Variants in R3HDM1 observed in about 807,000 individuals in gnomAD.
R3HDM1 encodes the protein R3H domain containing 1.
In R3HDM1, 46 loss-of-function variants were observed where a neutral mutation model predicts 141.1. The ratio of observed to expected loss-of-function variants is 0.33; its 90% confidence interval spans 0.26 to 0.42. R3HDM1 has a LOEUF of 0.42. Ranked by LOEUF, R3HDM1 falls within the 10% of genes least tolerant of loss-of-function variation. The pLI is 1.00. For missense variants in R3HDM1, 1,184 were observed against 1,368.3 expected, an observed-to-expected ratio of 0.87 and a Z score of 2.12; for synonymous variants, 435 against 472.9, an observed-to-expected ratio of 0.92 and a Z score of 1.04.
chr2:135,574,539 A>G (rs1368587459), intron 1 of R3HDM1, among the ~76,000 whole-genome samples: 2 of 152,240 alleles, frequency 1.3e-5, no homozygotes, highest in Non-Finnish European at 2.9e-5. Context: ...ACAGTATTGA[A>G]AAAAGAAAGC....
chr2:135,625,243 A>C (rs571265625), intron 7 of R3HDM1, among the ~76,000 whole-genome samples: 2 of 152,210 alleles, frequency 1.3e-5, no homozygotes, highest in Admixed American at 1.3e-4. Flanking sequence ...TGAGGTCAGG[A>C]GTTCGACACC....
At chr2:135,581,113 C>T (rs1271358166) in intron 1 of R3HDM1, 1 of 860,216 alleles carries the variant, frequency 1.2e-6, no homozygotes, top group Non-Finnish European at 1.4e-6. Context: ...TAGAAGGCAG[C>T]AGAACCATTT....
intron 11 of R3HDM1, among the ~76,000 whole-genome samples, chr2:135,637,290 T>C (rs1259999342): frequency 6.6e-6 from 1 of 152,030 alleles, no homozygotes; most frequent in African/African-American, 2.4e-5. Flanking sequence ...AGTGAAGAGT[T>C]CCAAGTCGAG....
intron 1 of R3HDM1, among the ~76,000 whole-genome samples, chr2:135,535,171 A>G (rs1392527647): frequency 6.6e-6 from 1 of 152,176 alleles, no homozygotes; most frequent in African/African-American, 2.4e-5. Flanking sequence ...ACATTTGCAT[A>G]TAGGGATAAT....
At chr2:135,714,231 C>T (rs759472704) in intron 23 of R3HDM1, among the ~76,000 whole-genome samples, 3 of 152,164 alleles carry the variant, frequency 2.0e-5, no homozygotes, top group South Asian at 2.1e-4. Context: ...GAGAGATAGA[C>T]GTCAGGTTCC....
At chr2:135,653,922 A>G (rs1160864443) in intron 18 of R3HDM1, among the ~76,000 whole-genome samples, 1 of 152,154 alleles carries the variant, frequency 6.6e-6, no homozygotes, top group Non-Finnish European at 1.5e-5. Flanking sequence ...TTTTTTGTTC[A>G]GGGTTCTTTT....
rs1709085588 is a variant in R3HDM1, at chr2:135,590,810, G to A, written c.-249-11690G>A. ...TGAAGGCAGATGATGGCAACTGAAA[G>A]ACAGCACCTGTTCTGCCTCAAGCTG... On this transcript the variant is annotated intron_variant, in intron 1 of 26. Coordinates refer to ENST00000683871, the MANE Select transcript of R3HDM1 (RefSeq NM_001378107.1). 12 of 805,734 alleles carry A rather than the reference G, an allele frequency of 1.5e-5. No individual in the cohort carries two copies. In the South Asian group the frequency reaches 5.7e-4, roughly 38 times the overall value. 49.9% of individuals were successfully genotyped at this position (805,734 alleles called of 1,614,324 possible).
intron 18 of R3HDM1, among the ~76,000 whole-genome samples, chr2:135,657,293 C>T (rs1408946471): frequency 2.0e-5 from 3 of 151,518 alleles, no homozygotes; most frequent in African/African-American, 7.3e-5. Context: ...CACCTGTAAT[C>T]CCAGCTACTC....
At chr2:135,717,210 A>T (rs1403639202) in intron 24 of R3HDM1, among the ~76,000 whole-genome samples, 1 of 152,008 alleles carries the variant, frequency 6.6e-6, no homozygotes, top group Non-Finnish European at 1.5e-5. Flanking sequence ...CTTGCCAGGC[A>T]TGGTGGCTCA....
intron 21 of R3HDM1, among the ~76,000 whole-genome samples, chr2:135,706,347 G>A (rs1165506355): frequency 1.3e-5 from 2 of 149,866 alleles, no homozygotes; most frequent in Non-Finnish European, 3.0e-5. Context: ...TTTTTTTTTA[G>A]TTTACATATC....
At chr2:135,565,387 T>A (rs1702562265) in intron 1 of R3HDM1, among the ~76,000 whole-genome samples, 2 of 149,524 alleles carry the variant, frequency 1.3e-5, no homozygotes, top group African/African-American at 4.9e-5. Flanking sequence ...AGACAAGATC[T>A]CATTATGTTG....
chr2:135,593,444 T>C (rs527982762), intron 1 of R3HDM1, among the ~76,000 whole-genome samples: 2 of 152,324 alleles, frequency 1.3e-5, no homozygotes, highest in East Asian at 3.9e-4. Context: ...GCCCTGACTT[T>C]CTTGCATTGT....
chr2:135,636,489 T>C (rs1050048919), intron 11 of R3HDM1, among the ~76,000 whole-genome samples: 2 of 152,130 alleles, frequency 1.3e-5, no homozygotes, highest in Non-Finnish European at 2.9e-5. Context: ...GTGACAGACT[T>C]GAGATTTTTA....
At chr2:135,672,004 G>C (rs1448306465) in intron 19 of R3HDM1, among the ~76,000 whole-genome samples, 1 of 151,798 alleles carries the variant, frequency 6.6e-6, no homozygotes, top group Non-Finnish European at 1.5e-5. Context: ...CGCAAACCAT[G>C]AGAGAACAAC....
At chr2:135,552,520 A>G (rs937230077) in intron 1 of R3HDM1, among the ~76,000 whole-genome samples, 2 of 152,168 alleles carry the variant, frequency 1.3e-5, no homozygotes, top group African/African-American at 4.8e-5. Flanking sequence ...AATTCTTCAC[A>G]GTATAGACTA....
intron 5 of R3HDM1, among the ~76,000 whole-genome samples, chr2:135,617,231 G>A (rs1483289299): frequency 6.6e-6 from 1 of 152,050 alleles, no homozygotes; most frequent in Non-Finnish European, 1.5e-5. Context: ...GGAGGCTGAG[G>A]CAGGAAAATG....
intron 7 of R3HDM1, among the ~76,000 whole-genome samples, chr2:135,628,820 T>G (rs1234387058): frequency 6.6e-6 from 1 of 151,976 alleles, no homozygotes; most frequent in Non-Finnish European, 1.5e-5. Flanking sequence ...AGATGGGGGT[T>G]TCTCCGTGTT....
intron 21 of R3HDM1, among the ~76,000 whole-genome samples, chr2:135,681,861 T>G (rs1364332434): frequency 6.6e-6 from 1 of 152,048 alleles, no homozygotes; most frequent in East Asian, 1.9e-4. Context: ...AGTGGGAGTT[T>G]AGTTATATAC....
intron 1 of R3HDM1, among the ~76,000 whole-genome samples, chr2:135,564,511 G>A (rs1241163617): frequency 5.3e-5 from 8 of 152,078 alleles, no homozygotes; most frequent in Non-Finnish European, 1.0e-4. Context: ...GTAGAGATGG[G>A]GTTTCAGCAT....
Sources: gnomAD v4.1 joint callset for allele counts (sites outside exome capture counted in the v4.1 genomes callset) on GRCh38, gnomAD v4.1.1 for gene constraint, MANE v1.5 for transcripts, NCBI Gene and HGNC (gene_info 2026-07-23, HGNC 2026-07-21) for gene names.